The following SLMAP variants were observed in gnomAD, a reference collection of about 807,000 sequenced individuals.
The protein encoded by SLMAP is sarcolemma associated protein, also known as sarcolemmal membrane-associated protein.
In SLMAP, 44 loss-of-function variants were observed where a neutral mutation model predicts 128.8. The observed-to-expected ratio is 0.34, with a 90% CI of 0.27 to 0.44. The LOEUF is 0.44. Ranked by LOEUF, SLMAP falls within the 20% of genes least tolerant of loss-of-function variation. SLMAP has a pLI of 1.00. For synonymous variants in SLMAP, 327 were observed against 348.8 expected (o/e 0.94, Z 0.70); for missense variants, 787 against 985.3 (o/e 0.80, Z 2.69).
At chr3:57,765,259 G>A (rs1028050188) in intron 2 of SLMAP, among the ~76,000 whole-genome samples, 1 of 152,184 alleles carries the variant, frequency 6.6e-6, no homozygotes, top group Admixed American at 6.5e-5. Flanking sequence ...ACTTGTATTT[G>A]CCAGGGGTGC....
intron 5 of SLMAP, among the ~76,000 whole-genome samples, 157 bp from the exon 6 acceptor site, chr3:57,849,594 GAAA>G (rs375499677): frequency 6.6e-6 from 1 of 152,090 alleles, no homozygotes; most frequent in African/African-American, 2.4e-5. Flanking sequence ...CGTCAGAAAA[GAAA>G]AAAATTTAAA....
chr3:57,887,870 A>G (rs556943742), intron 14 of SLMAP, among the ~76,000 whole-genome samples: 2 of 152,350 alleles, frequency 1.3e-5, no homozygotes. Flanking sequence ...ACTGAGGAAC[A>G]GGATTCAAGC....
intron 2 of SLMAP, among the ~76,000 whole-genome samples, chr3:57,773,798 A>G (rs1031459097): frequency 1.3e-5 from 2 of 152,166 alleles, no homozygotes; most frequent in African/African-American, 4.8e-5. Context: ...ATTTTCTTTT[A>G]TTTTTAAAAA....
At chr3:57,763,205 T>C (rs759206229) in intron 2 of SLMAP, among the ~76,000 whole-genome samples, 1 of 152,154 alleles carries the variant, frequency 6.6e-6, no homozygotes, top group Non-Finnish European at 1.5e-5. Flanking sequence ...ATTTCCAGTT[T>C]CACTGAAGTT....
intron 13 of SLMAP, among the ~76,000 whole-genome samples, chr3:57,868,269 A>G (rs962606796): frequency 5.9e-5 from 9 of 152,064 alleles, no homozygotes; most frequent in African/African-American, 2.2e-4. Context: ...AAAAAAATAA[A>G]AAATAAACAT....
At chr3:57,786,422 A>G (rs1005331920) in intron 2 of SLMAP, among the ~76,000 whole-genome samples, 2 of 152,240 alleles carry the variant, frequency 1.3e-5, no homozygotes, top group East Asian at 3.8e-4. Flanking sequence ...TCACGTGGCC[A>G]TGCATAATGC....
At chr3:57,919,207 C>T (rs1243977899) in intron 22 of SLMAP, among the ~76,000 whole-genome samples, 3 of 151,926 alleles carry the variant, frequency 2.0e-5, no homozygotes, top group Non-Finnish European at 2.9e-5. Context: ...ATGATGAAAC[C>T]CCGTCTATAC....
chr3:57,851,899 C>T (rs1000793510), intron 6 of SLMAP, among the ~76,000 whole-genome samples: 1 of 152,034 alleles, frequency 6.6e-6, no homozygotes, highest in Non-Finnish European at 1.5e-5. Context: ...AGAACCAAAC[C>T]TGTGATCCTG....
intron 2 of SLMAP, among the ~76,000 whole-genome samples, chr3:57,794,986 C>T (rs961303830): frequency 2.6e-5 from 4 of 152,182 alleles, no homozygotes; most frequent in Non-Finnish European, 4.4e-5. Context: ...TGTTTAACAT[C>T]TTGAGGAACT....
chr3:57,831,371 T>G lies in SLMAP; in HGVS notation c.199-12T>G, dbSNP rs955059690. The G allele has an allele frequency of 2.0e-6, 3 of 1,473,206 alleles. No individual in the cohort carries two copies. The highest frequency in any genetic ancestry group is 1.4e-5 in the African/African-American group (1 of 69,508). The allele number at this position is 1,473,206 out of a possible 1,614,324, so 91.3% of individuals were successfully genotyped here. A position where few individuals can be genotyped will look rare whatever the true frequency, so the allele number is the denominator to read the frequency against. ...ATATTTGGCCCTTTTTTGTTTTTGTTTTTTTTTGCAGTTTTATCTTCAAGA... is the reference window on the plus strand; with the variant it reads ...ATATTTGGCCCTTTTTTGTTTTTGTGTTTTTTTGCAGTTTTATCTTCAAGA... On this transcript the variant is annotated splice_polypyrimidine_tract_variant and intron_variant, in intron 2 of 24. Coordinates refer to ENST00000671191, the MANE Select transcript of SLMAP (RefSeq NM_001377540.1).
chr3:57,763,898 A>G (rs973702657), intron 2 of SLMAP, among the ~76,000 whole-genome samples: 3 of 152,170 alleles, frequency 2.0e-5, no homozygotes, highest in African/African-American at 7.2e-5. Flanking sequence ...TGAGCTTTGC[A>G]TTTTCCAAAT....
chr3:57,866,329 A>G (rs2095302689), intron 13 of SLMAP, among the ~76,000 whole-genome samples: 1 of 152,174 alleles, frequency 6.6e-6, no homozygotes, highest in African/African-American at 2.4e-5. Flanking sequence ...ATCAAGGGAT[A>G]TCATAATAGT....
intron 19 of SLMAP, 77 bp downstream of exon 19, chr3:57,909,227 G>T: frequency 3.8e-6 from 4 of 1,053,210 alleles, no homozygotes; most frequent in Non-Finnish European, 5.7e-6. Context: ...TGGAGGCCAG[G>T]CGCAGTGGCT....
rs142348966 is a variant in SLMAP at position 57,773,623 on chromosome 3, C to T, written c.198+15774C>T. On this transcript the variant is annotated intron_variant, in intron 2 of 24. Coordinates refer to ENST00000671191, the MANE Select transcript of SLMAP (RefSeq NM_001377540.1). ...AGCAATGCCTCCACTTAATTCATCT[C>T]GATAACCCAATAACTAAACTAGTAT... is the stretch of plus-strand genomic sequence containing the variant. Among the ~76,000 whole-genome samples, 437 of 152,192 alleles carry T rather than the reference C, an allele frequency of 2.9e-3. 3 individuals are homozygous for T. The highest frequency in any genetic ancestry group is 9.6e-3 in the African/African-American group (397 of 41,532).
At chr3:57,763,306 G>T (rs1368626780) in intron 2 of SLMAP, among the ~76,000 whole-genome samples, 2 of 147,346 alleles carry the variant, frequency 1.4e-5, no homozygotes, top group Middle Eastern at 3.5e-3. Context: ...ATGGAGTCTC[G>T]CTCTGTCACT....
chr3:57,893,462 G>A (rs756845780), intron 15 of SLMAP, among the ~76,000 whole-genome samples: 2 of 151,420 alleles, frequency 1.3e-5, no homozygotes, highest in Non-Finnish European at 2.9e-5. Context: ...AAAAAAACAG[G>A]CAATCTCTGC....
chr3:57,794,473 T>A (rs912197365), intron 2 of SLMAP, among the ~76,000 whole-genome samples: 4 of 152,270 alleles, frequency 2.6e-5, no homozygotes, highest in African/African-American at 9.6e-5. Flanking sequence ...TTTTTAAGTG[T>A]ACACTATAGT....
Position 57,928,460 on chromosome 3 carries a change from A to G in SLMAP, c.*1171A>G, listed in dbSNP as rs1026214997. On this transcript the variant is annotated 3_prime_UTR_variant, in exon 25 of 25. Coordinates refer to ENST00000671191, the MANE Select transcript of SLMAP (RefSeq NM_001377540.1). ...GGTTATTTTCTTTTTATTGTTGTTA[A>G]TTGGGACTTTCTGTTAATGAAAAGC... 2.0e-5 allele frequency: 3 copies of G among 152,074 alleles called. No individual in the cohort carries two copies. The highest frequency in any genetic ancestry group is 2.9e-5 in the Non-Finnish European group (2 of 68,014). The allele number at this position is 152,074 out of a possible 1,614,324, so 9.4% of individuals were successfully genotyped here.
rs770596419 is a variant in SLMAP, at chr3:57,862,000, G to A, written c.880G>A (p.Glu294Lys). The change falls in exon 10 of 25, where the codon GAA becomes AAA. Residue 294 changes from glutamate to lysine, a missense_variant. Glu to Lys is a moderately conservative substitution (Grantham distance 56, BLOSUM62 1). Around this residue, in one of 2 missense-constraint regions of SLMAP, gnomAD observed 715 missense variants for 843.6 expected, o/e 0.85. Transcript: ENST00000671191. ...DECTHLKEMN[E>K]RTQEELRELA... Reference sequence around the variant, plus strand: ...ATGTACCCATCTGAAAGAAATGAATGAAAGGACTCAGGAAGAATTAAGAGA... The same window carrying A: ...ATGTACCCATCTGAAAGAAATGAATAAAAGGACTCAGGAAGAATTAAGAGA... The A allele has an allele frequency of 2.0e-5, 32 of 1,610,200 alleles. No individual in the cohort carries two copies. The highest frequency in any genetic ancestry group is 2.5e-5 in the Non-Finnish European group (30 of 1,176,654).
Sources: gnomAD v4.1 joint callset for allele counts (sites outside exome capture counted in the v4.1 genomes callset) on GRCh38, gnomAD v4.1.1 for gene constraint, gnomAD v4.1.1 regional missense constraint, MANE v1.5 for transcripts, NCBI Gene and HGNC (gene_info 2026-07-23, HGNC 2026-07-21) for gene names.